The following MYEF2 variants were observed in gnomAD, a reference collection of about 807,000 sequenced individuals.
The protein encoded by MYEF2 is myelin expression factor 2.
A neutral mutation model predicts 75.2 loss-of-function variants in MYEF2; 37 were observed. The ratio of observed to expected loss-of-function variants is 0.49; its 90% CI spans 0.38 to 0.65. MYEF2 has a LOEUF of 0.65. MYEF2 is among the 30% of genes least tolerant of loss of function. The pLI is 0.00. For synonymous variants in MYEF2, 195 were observed against 241.6 expected (o/e 0.81, Z 1.79); for missense variants, 634 against 771.4 (o/e 0.82, Z 2.11).
At chr15:48,144,075 G>A (rs2039186226) in intron 16 of MYEF2, among the ~76,000 whole-genome samples, 1 of 151,924 alleles carries the variant, frequency 6.6e-6, no homozygotes, top group Non-Finnish European at 1.5e-5. Context: ...AATCAAGTTA[G>A]AAGACTTTAA....
rs754521368 is a variant in MYEF2 at position 48,166,025 on chromosome 15, C to T, written c.433G>A (p.Val145Met). The T allele has an allele frequency of 2.5e-6, 4 of 1,586,650 alleles. No homozygotes were observed. The highest frequency in any genetic ancestry group is 1.4e-5 in the African/African-American group (1 of 73,364). ...AATTCTTCATCTTTGAATTCAACCACACTTAATAGGGAAAAAATTTATAGG... is the reference window on the plus strand; with the variant it reads ...AATTCTTCATCTTTGAATTCAACCATACTTAATAGGGAAAAAATTTATAGG... ...DAEGKSRGCG[V>M]VEFKDEEFVK... Residue 145 changes from valine to methionine, a missense_variant and splice_region_variant, in exon 5 of 17, where the codon GTG (valine) becomes ATG (methionine). Coordinates refer to ENST00000324324, the MANE Select transcript of MYEF2 (RefSeq NM_016132.5).
chr15:48,136,953 G>A lies in MYEF2; in HGVS notation c.*5955C>T. 1 of 1,605,006 alleles carries A rather than the reference G, an allele frequency of 6.2e-7. No homozygotes were observed. The highest frequency in any genetic ancestry group is 8.5e-7 in the Non-Finnish European group (1 of 1,173,672). ...CTATAAGTTTACATGGCCTTAGTCA[G>A]GTTTCTGAAGGTAATCACTAAATCT... On this transcript the variant is annotated 3_prime_UTR_variant, in exon 17 of 17. Coordinates refer to ENST00000324324, the MANE Select transcript of MYEF2 (RefSeq NM_016132.5).
Position 48,142,919 on chromosome 15 carries a change from G to A in MYEF2, c.1792C>T (p.Arg598Cys), listed in dbSNP as rs1014374536. 7 of 1,589,514 alleles carry A rather than the reference G, an allele frequency of 4.4e-6. No individual in the cohort carries two copies. The highest frequency in any genetic ancestry group is 1.1e-5 in the South Asian group (1 of 87,340). ...ACCATGGCTTGAAATTATGCATTAC[G>A]ATCCAAGCGAACATCAATTTCTCTG... Reference protein sequence around the residue: ...SGREIDVRLDRNA With the variant: ...SGREIDVRLDCNA Residue 598 changes from arginine (R) to cysteine (C), a missense_variant, in exon 17 of 17, where the codon CGT becomes TGT. By Grantham distance (180) the Arg-to-Cys change is radical. Transcript: ENST00000324324.
Position 48,149,979 on chromosome 15 carries a change from CGGAACTTGTCAA to C in MYEF2, c.1379-620_1379-609del, listed in dbSNP as rs1421417863. The C allele has an allele frequency of 2.0e-5, 3 of 152,064 alleles. No homozygotes were observed. The highest frequency in any genetic ancestry group is 4.4e-5 in the Non-Finnish European group (3 of 68,036). The allele number at this position is 152,064 out of a possible 1,614,324, so 9.4% of individuals were successfully genotyped here. On this transcript the variant is annotated intron_variant, in intron 14 of 16. Coordinates refer to ENST00000324324, the MANE Select transcript of MYEF2 (RefSeq NM_016132.5). The surrounding 1 kb of genome is among the most constrained non-coding windows in gnomAD (Gnocchi z 4.0). ...CATAACTTTTAATCTCAATATTACACGGAACTTGTCAAGGGAACAAAAAATGCTATCACTTCC... is the reference window on the plus strand; with the variant it reads ...CATAACTTTTAATCTCAATATTACACGGGAACAAAAAATGCTATCACTTCC...
chr15:48,162,138 AG>A (rs2140898825), intron 5 of MYEF2, among the ~76,000 whole-genome samples: 1 of 152,086 alleles, frequency 6.6e-6, no homozygotes, highest in East Asian at 2.0e-4. Flanking sequence ...GCTCAAATAA[AG>A]GTATCTGGGA....
At chr15:48,175,531 T>C (rs1458507893) in intron 1 of MYEF2, among the ~76,000 whole-genome samples, 1 of 152,172 alleles carries the variant, frequency 6.6e-6, no homozygotes, top group East Asian at 1.9e-4. Context: ...GTGGTAATCA[T>C]TTCACAATTT....
Position 48,142,764 on chromosome 15 carries a change from A to T in MYEF2, c.*144T>A. On this transcript the variant is annotated 3_prime_UTR_variant, in exon 17 of 17. Transcript: ENST00000324324. ...TTAACAAAAATTACAGTATATTTTT[A>T]ACATTATACTGTTAAAAGCTGGTGG... The T allele has an allele frequency of 1.3e-6, 1 of 765,600 alleles. No homozygotes were observed. The highest frequency in any genetic ancestry group is 1.9e-6 in the Non-Finnish European group (1 of 513,474). 47.4% of individuals were successfully genotyped at this position (765,600 alleles called of 1,614,324 possible).
chr15:48,169,431 A>G (rs566468490), intron 1 of MYEF2, among the ~76,000 whole-genome samples: 2 of 152,272 alleles, frequency 1.3e-5, no homozygotes, highest in South Asian at 2.1e-4. Context: ...ATTTTGATCA[A>G]CACAGAAAAC....
rs532595376 is a variant in MYEF2 at position 48,171,395 on chromosome 15, T to G, written c.162-2556A>C. Among the ~76,000 whole-genome samples the G allele has an allele frequency of 5.9e-5, 9 of 152,278 alleles. No individual in the cohort carries two copies. The East Asian group carries it at 1.3e-3, about 23-fold the overall frequency. The stretch of plus-strand genomic sequence containing the variant: ...TATTCTTGACTTAGGTGGGGTTACA[T>G]AGATTAAATATTTGCTTACAACAAT... On this transcript the variant is annotated intron_variant, in intron 1 of 16. Coordinates refer to ENST00000324324, the MANE Select transcript of MYEF2 (RefSeq NM_016132.5).
At chr15:48,157,950 C>T (rs764924137) in intron 9 of MYEF2, 43 bp downstream of exon 9, 49 of 1,608,312 alleles carry the variant, frequency 3.0e-5, no homozygotes, top group Non-Finnish European at 5.9e-6. Context: ...ATAAAACAAA[C>T]CAAAAAAAGC....
intron 16 of MYEF2, among the ~76,000 whole-genome samples, chr15:48,146,701 C>A (rs529563074): frequency 3.1e-4 from 47 of 152,084 alleles, no homozygotes; most frequent in Admixed American, 5.2e-4. Context: ...TACTTACTCT[C>A]TTTGGGCTTA....
Position 48,168,734 on chromosome 15 carries a change from C to T in MYEF2, c.267G>A (p.Ser89=), listed in dbSNP as rs749865657. ...RFHPYSKDKN[S]GAGEKKGPNR... ...TTGGACCCTTCTTTTCTCCAGCGCC[C>T]GAATTCTTGTCTTTTGAATAAGGAT... Residue 89 remains serine, a synonymous_variant, in exon 2 of 17, where the codon TCG becomes TCA. Coordinates refer to ENST00000324324, the MANE Select transcript of MYEF2 (RefSeq NM_016132.5). 31 of 1,613,564 alleles carry T rather than the reference C, an allele frequency of 1.9e-5. No homozygotes were observed. The highest frequency in any genetic ancestry group is 6.6e-5 in the South Asian group (6 of 91,054).
Position 48,140,753 on chromosome 15 carries a change from GA to G in MYEF2, c.*2154del. On this transcript the variant is annotated 3_prime_UTR_variant, in exon 17 of 17. Transcript: ENST00000324324. ...GCTTAACTCTGACTAATATTTTTAAGAAAGAAAAAGCGGAATGATCAGTCTC... is the reference window on the plus strand; with the variant it reads ...GCTTAACTCTGACTAATATTTTTAAGAAGAAAAAGCGGAATGATCAGTCTC... 1 of 194,404 alleles carries G rather than the reference GA, an allele frequency of 5.1e-6. No homozygotes were observed. The highest frequency in any genetic ancestry group is 1.1e-5 in the Non-Finnish European group (1 of 93,488). 12.0% of individuals were successfully genotyped at this position (194,404 alleles called of 1,614,324 possible).
chr15:48,148,112 T>C (rs1457913464), intron 16 of MYEF2, among the ~76,000 whole-genome samples: 1 of 151,982 alleles, frequency 6.6e-6, no homozygotes, highest in Non-Finnish European at 1.5e-5. Flanking sequence ...CAAAGGCTAT[T>C]TTGTGACAGA....
At chr15:48,153,714 T>C (rs2039581820) in intron 10 of MYEF2, 78 bp downstream of exon 10, 1 of 1,173,884 alleles carries the variant, frequency 8.5e-7, no homozygotes, top group South Asian at 1.3e-5. Context: ...TAAACATTAT[T>C]ACAGACCACA....
intron 16 of MYEF2, among the ~76,000 whole-genome samples, chr15:48,143,706 A>T (rs2039170245): frequency 6.6e-6 from 1 of 152,094 alleles, no homozygotes; most frequent in South Asian, 2.1e-4. Flanking sequence ...TAAATCAATA[A>T]AGGTAAAAAC....
In MYEF2 at chr15:48,152,210, A is replaced by G. The variant is rs754462256; in HGVS notation, c.1138+24T>C. ...ATTAAAAATGGTGATGGGTACATAC[A>G]AAAAAACAAATCTTTATACATACCT... On this transcript the variant is annotated intron_variant, in intron 11 of 16. Coordinates refer to ENST00000324324, the MANE Select transcript of MYEF2 (RefSeq NM_016132.5). 4 of 1,597,288 alleles carry G rather than the reference A, an allele frequency of 2.5e-6. No homozygotes were observed. In the Admixed American group the frequency reaches 6.9e-5, roughly 27 times the overall value.
chr15:48,158,120 G>C, intron 8 of MYEF2, 55 bp downstream of exon 8: 1 of 1,611,096 alleles, frequency 6.2e-7, no homozygotes, highest in Non-Finnish European at 8.5e-7. Flanking sequence ...ATGTAGAAGA[G>C]AGCCAATAAA....
Position 48,146,669 on chromosome 15 carries a change from C to T in MYEF2, c.1639+2363G>A, listed in dbSNP as rs568378922. Among the ~76,000 whole-genome samples the T allele has an allele frequency of 2.5e-3, 386 of 152,024 alleles. 3 individuals are homozygous for T. The highest frequency in any genetic ancestry group is 9.0e-3 in the African/African-American group (373 of 41,534). On this transcript the variant is annotated intron_variant, in intron 16 of 16. Coordinates refer to ENST00000324324, the MANE Select transcript of MYEF2 (RefSeq NM_016132.5). ...TGCAAGGAGTACTACTAGATTCTTA[C>T]TAAGAAGCAAGCAAGAGAATATACT...
Sources: gnomAD v4.1 joint callset for allele counts (sites outside exome capture counted in the v4.1 genomes callset) on GRCh38, gnomAD v4.1.1 for gene constraint, Gnocchi (gnomAD v3.1) non-coding constraint, MANE v1.5 for transcripts, NCBI Gene and HGNC (gene_info 2026-07-23, HGNC 2026-07-21) for gene names.